PPP3CA: variants seen among roughly 807,000 people sequenced by gnomAD.
PPP3CA encodes the protein CAM-PRP catalytic subunit.
PPP3CA carries 14 observed loss-of-function variants against 66.5 expected under a neutral mutation model. That is an observed-to-expected ratio of 0.21 (90% CI 0.14 to 0.33). The LOEUF is 0.33. Among genes scored for constraint, PPP3CA ranks in the 10% least tolerant of loss-of-function variants. The probability of loss-of-function intolerance (pLI) is 1.00; values close to 1 mark genes in which losing one functional copy is unlikely to be tolerated. For synonymous variants in PPP3CA, 232 were observed against 226.2 expected (o/e 1.03, Z -0.23); for missense variants, 317 against 639.5 (o/e 0.50, Z 5.44).
chr4:101,312,024 T>C (rs1338960998), intron 1 of PPP3CA, among the ~76,000 whole-genome samples: 1 of 152,224 alleles, frequency 6.6e-6, no homozygotes, highest in Non-Finnish European at 1.5e-5. Flanking sequence ...TGATAATAGT[T>C]GACATTTAAT....
At chr4:101,122,918 C>T (rs1722075836) in intron 2 of PPP3CA, among the ~76,000 whole-genome samples, 1 of 152,016 alleles carries the variant, frequency 6.6e-6, no homozygotes, top group Non-Finnish European at 1.5e-5. Flanking sequence ...AGTCACAAGA[C>T]AATGAGGTCT....
chr4:101,068,865 G>C (rs1728791022), intron 8 of PPP3CA, among the ~76,000 whole-genome samples: 1 of 152,180 alleles, frequency 6.6e-6, no homozygotes, highest in South Asian at 2.1e-4. Context: ...ATAAGCTTAA[G>C]TGAAAGTTAT....
intron 8 of PPP3CA, 86 bp downstream of exon 8, chr4:101,080,446 A>G (rs1281950767): frequency 3.0e-6 from 2 of 659,288 alleles, no homozygotes; most frequent in East Asian, 6.7e-5. Context: ...ACTGGTTAAA[A>G]TACTTAAGAC....
intron 1 of PPP3CA, among the ~76,000 whole-genome samples, chr4:101,221,250 C>A (rs1184483733): frequency 1.3e-5 from 2 of 151,664 alleles, no homozygotes; most frequent in South Asian, 4.2e-4. Context: ...AAAGCAGCCA[C>A]GCTATAGTGC....
intron 1 of PPP3CA, among the ~76,000 whole-genome samples, chr4:101,282,291 T>C (rs1727710022): frequency 6.6e-6 from 1 of 152,174 alleles, no homozygotes. Context: ...AACTACAGTT[T>C]TTCTATCCTA....
Position 101,024,861 on chromosome 4 carries a change from T to A in PPP3CA, c.*1004A>T, listed in dbSNP as rs1726552717. On this transcript the variant is annotated 3_prime_UTR_variant, in exon 14 of 14. Coordinates refer to ENST00000394854, the MANE Select transcript of PPP3CA (RefSeq NM_000944.5). Reference sequence around the variant, plus strand: ...TACGCCAGTATACATACATTTCCAGTATATGTCAGACCACTAAGCGCATTA... The same window carrying A: ...TACGCCAGTATACATACATTTCCAGAATATGTCAGACCACTAAGCGCATTA... 6.6e-6 allele frequency: 1 copy of A among 152,460 alleles called. No homozygotes were observed. The highest frequency in any genetic ancestry group is 6.5e-5 in the Admixed American group (1 of 15,268). The allele number at this position is 152,460 out of a possible 1,614,324, so 9.4% of individuals were successfully genotyped here. A position where few individuals can be genotyped will look rare whatever the true frequency, so the allele number is the denominator to read the frequency against.
chr4:101,161,500 A>G (rs1051821898), intron 2 of PPP3CA, among the ~76,000 whole-genome samples: 1 of 152,160 alleles, frequency 6.6e-6, no homozygotes, highest in Non-Finnish European at 1.5e-5. Flanking sequence ...AACATTTATC[A>G]GATGGGAGGA....
chr4:101,288,587 A>C lies in PPP3CA; in HGVS notation c.58+58152T>G, dbSNP rs527793644. On this transcript the variant is annotated intron_variant, in intron 1 of 13. Coordinates refer to ENST00000394854, the MANE Select transcript of PPP3CA (RefSeq NM_000944.5). ...TGGTCGGAGGAGGGGATAAGAGGGA[A>C]CAACGGGAAGGAGGGGAAGGAGGAA... 2.0e-5 allele frequency among the ~76,000 whole-genome samples: 3 copies of C among 151,870 alleles called. No homozygotes were observed. In the East Asian group the frequency reaches 5.8e-4, roughly 29 times the overall value.
intron 3 of PPP3CA, among the ~76,000 whole-genome samples, chr4:101,102,340 G>A (rs1160760092): frequency 2.0e-5 from 3 of 151,854 alleles, no homozygotes; most frequent in Admixed American, 6.6e-5. Context: ...AAGGCAGAGA[G>A]AGAGAGACAG....
At chr4:101,335,333 T>C (rs971304866) in intron 1 of PPP3CA, among the ~76,000 whole-genome samples, 1 of 151,790 alleles carries the variant, frequency 6.6e-6, no homozygotes, top group African/African-American at 2.4e-5. Context: ...GAGGCAGGTT[T>C]GGCTCTGGTC....
intron 1 of PPP3CA, 62 bp downstream of exon 1, chr4:101,346,677 G>T: frequency 6.8e-7 from 1 of 1,463,006 alleles, no homozygotes; most frequent in Non-Finnish European, 9.4e-7. Flanking sequence ...GGCGAGGCGA[G>T]GCAAGCTGCC....
intron 1 of PPP3CA, among the ~76,000 whole-genome samples, chr4:101,323,223 T>C (rs1211842996): frequency 1.3e-5 from 2 of 152,202 alleles, no homozygotes; most frequent in Non-Finnish European, 2.9e-5. Context: ...ATGCCTGAAC[T>C]GAACACCTGT....
At chr4:101,339,581 G>C (rs189207365) in intron 1 of PPP3CA, among the ~76,000 whole-genome samples, 1 of 152,036 alleles carries the variant, frequency 6.6e-6, no homozygotes, top group African/African-American at 2.4e-5. Context: ...ACTCCAATTC[G>C]CCAGTCACCA....
chr4:101,169,606 G>C (rs1723806591), intron 2 of PPP3CA, among the ~76,000 whole-genome samples: 1 of 152,056 alleles, frequency 6.6e-6, no homozygotes, highest in African/African-American at 2.4e-5. Context: ...GAAAGAGACA[G>C]TTATTAAATG....
chr4:101,159,886 G>C (rs1723446687), intron 2 of PPP3CA, among the ~76,000 whole-genome samples: 1 of 151,890 alleles, frequency 6.6e-6, no homozygotes, highest in East Asian at 1.9e-4. Context: ...AAAACCATCT[G>C]TACACAGAAA....
At chr4:101,269,424 T>TA (rs1727264924) in intron 1 of PPP3CA, among the ~76,000 whole-genome samples, 1 of 152,198 alleles carries the variant, frequency 6.6e-6, no homozygotes, top group Middle Eastern at 3.4e-3. Flanking sequence ...CTCTCTGACT[T>TA]ATATTCTAGA....
chr4:101,201,937 G>A lies in PPP3CA; in HGVS notation c.59-5821C>T, dbSNP rs1186816639. ...CTGTATCCCATGCTAGGCAGTGAGAGGAGCAGGAAGAAATGGGCCACAGAT... is the reference window on the plus strand; with the variant it reads ...CTGTATCCCATGCTAGGCAGTGAGAAGAGCAGGAAGAAATGGGCCACAGAT... On this transcript the variant is annotated intron_variant, in intron 1 of 13. Coordinates refer to ENST00000394854, the MANE Select transcript of PPP3CA (RefSeq NM_000944.5). Among the ~76,000 whole-genome samples, 3 of 152,188 alleles carry A rather than the reference G, an allele frequency of 2.0e-5. 1 individual carries two copies. Among genetic ancestry groups the A allele is most frequent in the African/African-American group, 7.2e-5 (3 of 41,434 alleles).
chr4:101,245,994 C>G (rs1020797642), intron 1 of PPP3CA, among the ~76,000 whole-genome samples: 4 of 151,700 alleles, frequency 2.6e-5, no homozygotes, highest in Non-Finnish European at 5.9e-5. Context: ...GTCTCTCCAC[C>G]TATCTCTGCC....
Position 101,346,938 on chromosome 4 carries a change from G to C in PPP3CA, c.-142C>G, listed in dbSNP as rs1730026834. 1 of 971,948 alleles carries C rather than the reference G, an allele frequency of 1.0e-6. No homozygotes were observed. The highest frequency in any genetic ancestry group is 1.5e-6 in the Non-Finnish European group (1 of 646,052). 60.2% of individuals were successfully genotyped at this position (971,948 alleles called of 1,614,324 possible). ...CCGCTCGGCTGGAGGTCTAGGCTCT[G>C]AGCTGGCTTTAAAGTTGCTGCCTTT... is the stretch of plus-strand genomic sequence containing the variant. On this transcript the variant is annotated 5_prime_UTR_variant, in exon 1 of 14. Transcript: ENST00000394854.
Sources: gnomAD v4.1 joint callset for allele counts (sites outside exome capture counted in the v4.1 genomes callset) on GRCh38, gnomAD v4.1.1 for gene constraint, MANE v1.5 for transcripts, NCBI Gene and HGNC (gene_info 2026-07-23, HGNC 2026-07-21) for gene names.